The following ITPRID1 variants were observed in gnomAD, a reference collection of about 807,000 sequenced individuals.
The protein encoded by ITPRID1 is protein ITPRID1.
Under a neutral mutation model 95.4 loss-of-function variants are expected in ITPRID1, and 96 were observed. The observed-to-expected ratio is 1.01, with a 90% CI of 0.85 to 1.19. ITPRID1 has a LOEUF of 1.19. ITPRID1 is among the 50% of genes most tolerant of loss of function. The pLI is 0.00. For synonymous variants in ITPRID1, 510 were observed against 453.6 expected, an observed-to-expected ratio of 1.12 and a Z score of -1.58; for missense variants, 1,339 against 1,252.9, an observed-to-expected ratio of 1.07 and a Z score of -1.04.
intron 1 of ITPRID1, among the ~76,000 whole-genome samples, chr7:31,547,528 G>T (rs1325908811): frequency 6.6e-6 from 1 of 151,140 alleles, no homozygotes; most frequent in Non-Finnish European, 1.5e-5. Flanking sequence ...CAGCATGGAG[G>T]TAACTGCCTC....
At chr7:31,592,219 T>C (rs1278633376) in intron 10 of ITPRID1, among the ~76,000 whole-genome samples, 3 of 152,170 alleles carry the variant, frequency 2.0e-5, no homozygotes, top group South Asian at 2.1e-4. Context: ...AGTGAGACCA[T>C]GGATGGAGCA....
chr7:31,515,527 A>C (rs1323049764), intron 1 of ITPRID1, among the ~76,000 whole-genome samples: 1 of 152,128 alleles, frequency 6.6e-6, no homozygotes, highest in African/African-American at 2.4e-5. Flanking sequence ...GTGAGCTGAG[A>C]TATCACCATT....
chr7:31,655,888 T>A lies in ITPRID1; in HGVS notation c.*3059T>A, dbSNP rs1386787003. 4 of 985,404 alleles carry A rather than the reference T, an allele frequency of 4.1e-6. No individual in the cohort carries two copies. The African/African-American group carries it at 7.0e-5, about 17-fold the overall frequency. 61.0% of individuals were successfully genotyped at this position (985,404 alleles called of 1,614,324 possible). On this transcript the variant is annotated 3_prime_UTR_variant, in exon 15 of 15. Transcript: ENST00000615280. ...TACGGAATGAAGAGGAACACCTGGC[T>A]CTAGGATGTCCCTCACCTGGCAGCC...
At chr7:31,576,578 C>T (rs1785190213) in intron 8 of ITPRID1, among the ~76,000 whole-genome samples, 1 of 152,196 alleles carries the variant, frequency 6.6e-6, no homozygotes, top group African/African-American at 2.4e-5. Context: ...TATTCTGAAA[C>T]ATCCAGAACC....
At chr7:31,623,773 C>T (rs915401570) in intron 10 of ITPRID1, among the ~76,000 whole-genome samples, 3 of 150,954 alleles carry the variant, frequency 2.0e-5, no homozygotes, top group Non-Finnish European at 2.9e-5. Flanking sequence ...CTGGCCAGGG[C>T]AATTAGGCAG....
intron 3 of ITPRID1, 144 bp downstream of exon 3, chr7:31,553,331 A>C (rs1314527307): frequency 2.6e-6 from 2 of 755,252 alleles, no homozygotes; most frequent in East Asian, 5.4e-5. Flanking sequence ...TGCCGGAAAC[A>C]TTTATGAAAT....
At chr7:31,594,691 T>C (rs1187443756) in intron 10 of ITPRID1, among the ~76,000 whole-genome samples, 1 of 152,014 alleles carries the variant, frequency 6.6e-6, no homozygotes, top group Non-Finnish European at 1.5e-5. Context: ...ACCCCATCTC[T>C]ACTAAAAATA....
intron 1 of ITPRID1, among the ~76,000 whole-genome samples, chr7:31,536,801 G>C (rs1220246782): frequency 1.3e-5 from 2 of 152,014 alleles, no homozygotes; most frequent in African/African-American, 2.4e-5. Flanking sequence ...TTTATATAAG[G>C]CTTGTCTCAG....
intron 10 of ITPRID1, among the ~76,000 whole-genome samples, chr7:31,587,534 G>T (rs1460868777): frequency 1.4e-5 from 2 of 145,590 alleles, no homozygotes; most frequent in East Asian, 2.0e-4. Context: ...TGGGTAGGAA[G>T]AATCAATATC....
At chr7:31,592,362 C>G (rs1785903501) in intron 10 of ITPRID1, among the ~76,000 whole-genome samples, 1 of 152,192 alleles carries the variant, frequency 6.6e-6, no homozygotes, top group Admixed American at 6.5e-5. Context: ...AGCATAATAA[C>G]AGCATCTATC....
chr7:31,631,712 G>A (rs1478179799), intron 10 of ITPRID1, among the ~76,000 whole-genome samples: 1 of 152,160 alleles, frequency 6.6e-6, no homozygotes, highest in African/African-American at 2.4e-5. Context: ...AGAATTCCTA[G>A]GCTGTAAGAC....
intron 10 of ITPRID1, among the ~76,000 whole-genome samples, chr7:31,630,017 A>G (rs1368415370): frequency 6.6e-6 from 1 of 152,174 alleles, no homozygotes; most frequent in Non-Finnish European, 1.5e-5. Context: ...TGCTAGATCT[A>G]AAATCCTAGA....
intron 1 of ITPRID1, among the ~76,000 whole-genome samples, chr7:31,520,548 TGTGTGTGTGTGTGTGTGAGAGA>T (rs1242812949): frequency 5.1e-5 from 4 of 78,190 alleles, no homozygotes; most frequent in African/African-American, 2.8e-4. Context: ...TGTGTGTGTG[TGTGTGTGTGTGTGTGTGAGAGA>T]GAGAGAGAGA....
Position 31,578,084 on chromosome 7 carries a change from TC to T in ITPRID1, c.821del (p.Ser274Ter). 5 of 1,613,762 alleles carry T rather than the reference TC, an allele frequency of 3.1e-6. No homozygotes were observed. Among genetic ancestry groups the T allele is most frequent in the Non-Finnish European group, 4.2e-6 (5 of 1,179,798 alleles). On this transcript the variant is annotated frameshift_variant, in exon 9 of 15. Transcript: ENST00000615280. LOFTEE classifies it high-confidence loss of function. ...CAGGCGGGATTGTAACCCAGAGGTA[TC>T]AGAGTCCTTCAAGGTGAAGGATGAA... is the stretch of plus-strand genomic sequence containing the variant. ...NIRRDCNPEVSESFKVKDEVF... is the reference protein window; with the variant it reads ...NIRRDCNPEVXESFKVKDEVF...
intron 10 of ITPRID1, among the ~76,000 whole-genome samples, chr7:31,620,913 G>C (rs1050427480): frequency 3.9e-5 from 6 of 152,050 alleles, no homozygotes; most frequent in Non-Finnish European, 1.5e-5. Context: ...AGTGCTTAAA[G>C]GAGCTGATGG....
chr7:31,652,916 G>A lies in ITPRID1; in HGVS notation c.*87G>A, dbSNP rs1791093640. 3 of 1,538,558 alleles carry A rather than the reference G, an allele frequency of 1.9e-6. No individual in the cohort carries two copies. Among genetic ancestry groups the A allele is most frequent in the Non-Finnish European group, 2.6e-6 (3 of 1,142,880 alleles). On this transcript the variant is annotated 3_prime_UTR_variant, in exon 15 of 15. Transcript: ENST00000615280. ...AAATTTCAATTTTCCCCAAGGAGAA[G>A]GGTCTGCCAACCCATTGTCAGCTAT...
intron 6 of ITPRID1, among the ~76,000 whole-genome samples, chr7:31,571,670 T>A (rs1784993281): frequency 6.6e-6 from 1 of 152,208 alleles, no homozygotes; most frequent in African/African-American, 2.4e-5. Context: ...TTAGAGAGTG[T>A]TAGCCATGTG....
chr7:31,652,468 G>T lies in ITPRID1; in HGVS notation c.2824-50G>T, dbSNP rs370211074. On this transcript the variant is annotated intron_variant, in intron 14 of 14. Coordinates refer to ENST00000615280, the MANE Select transcript of ITPRID1 (RefSeq NM_001257967.3). ...CTCACAAGTTTGAGTAAGCTGTTTG[G>T]TGCCAATGTGATGTGCTGTTTACTC... 411 of 1,524,338 alleles carry T rather than the reference G, an allele frequency of 2.7e-4. 1 individual carries two copies. The African/African-American group carries it at 4.8e-3, about 18-fold the overall frequency. 94.4% of individuals were successfully genotyped at this position (1,524,338 alleles called of 1,614,324 possible).
At chr7:31,559,402 T>C (rs1784554935) in intron 5 of ITPRID1, among the ~76,000 whole-genome samples, 1 of 152,174 alleles carries the variant, frequency 6.6e-6, no homozygotes, top group Admixed American at 6.5e-5. Context: ...TGCCCACACC[T>C]GTAATCCCAG....
Sources: allele counts gnomAD v4.1 joint callset (sites outside exome capture counted in the v4.1 genomes callset), GRCh38; gene constraint gnomAD v4.1.1; transcripts MANE v1.5; gene names NCBI Gene and HGNC (gene_info 2026-07-23, HGNC 2026-07-21).